The following RFX7 variants were observed in gnomAD, a reference collection of about 807,000 sequenced individuals.
RFX7 encodes the protein regulatory factor X7, also known as DNA-binding protein RFX7.
RFX7 carries 26 observed loss-of-function variants against 111.8 expected under a neutral mutation model. The observed-to-expected ratio is 0.23, with a 90% CI of 0.17 to 0.32. The LOEUF is 0.32. Among genes scored for constraint, RFX7 ranks in the 10% least tolerant of loss-of-function variants. The pLI, the probability that RFX7 is intolerant of heterozygous loss-of-function variation, is 1.00. For synonymous variants in RFX7, 624 were observed against 624.4 expected (o/e 1.00, Z 0.01); for missense variants, 1,573 against 1,772.9 (o/e 0.89, Z 2.02).
chr15:56,095,527 G>T lies in RFX7; in HGVS notation c.2201C>A (p.Ser734Tyr). The T allele has an allele frequency of 2.5e-6, 4 of 1,613,520 alleles. No individual in the cohort carries two copies. The highest frequency in any genetic ancestry group is 3.4e-6 in the Non-Finnish European group (4 of 1,179,846). The change falls in exon 10 of 10, where the codon TCC (serine) becomes TAC (tyrosine). Residue 734 changes from serine to tyrosine, a missense_variant. This residue lies in a region of RFX7 where 625 missense variants were observed against 632.2 expected (regional missense o/e 0.99). Coordinates refer to ENST00000559447, the MANE Select transcript of RFX7 (RefSeq NM_022841.7). ...SHIGANQPLN[S>Y]SALVISDSAL... ...TGAATCACTGATAACAAGGGCAGAG[G>T]AATTCAAGGGTTGATTTGCTCCTAT...
At chr15:56,228,578 AT>A (rs1162398154) in intron 2 of RFX7, among the ~76,000 whole-genome samples, 1 of 152,142 alleles carries the variant, frequency 6.6e-6, no homozygotes, top group Non-Finnish European at 1.5e-5. Context: ...TATGTGTTTA[AT>A]TTTTTTCATC....
intron 5 of RFX7, among the ~76,000 whole-genome samples, chr15:56,113,800 G>A (rs954748648): frequency 2.6e-5 from 4 of 151,700 alleles, no homozygotes; most frequent in African/African-American, 4.8e-5. Flanking sequence ...GACTTACCTA[G>A]ACCCATAATG....
At position 56,095,984 on chromosome 15, in the gene RFX7, G is replaced by A; in HGVS notation, c.1744C>T (p.Pro582Ser). ...ATTTCAATGACACCTTCATTTGAAG[G>A]TTTCTGCAGTGCTCCGTCTGTATTA... ...KSNTDGALQK[P>S]SNEGVIEIKA... is the part of the protein sequence containing the mutation. The change falls in exon 10 of 10, where the codon CCT (proline) becomes TCT (serine). Residue 582 changes from proline to serine, a missense_variant. Pro to Ser is a moderately conservative substitution (Grantham distance 74). Around this residue, in one of 7 missense-constraint regions of RFX7, gnomAD observed 625 missense variants for 632.2 expected, o/e 0.99. Transcript: ENST00000559447. 6.2e-7 allele frequency: 1 copy of A among 1,611,934 alleles called. No homozygotes were observed. The highest frequency in any genetic ancestry group is 8.5e-7 in the Non-Finnish European group (1 of 1,179,576).
In RFX7 at chr15:56,095,889, C is replaced by G. The variant is rs148249850; in HGVS notation, c.1839G>C (p.Thr613=). The change falls in exon 10 of 10, where the codon ACG becomes ACC. Residue 613 remains threonine (T), a synonymous_variant. Transcript: ENST00000559447. The stretch of plus-strand genomic sequence containing the variant: ...TAGTGCTTTGATTATTGCCTGTTGA[C>G]GTGCCTGGCAGCATTTCATTACAGC... The part of the protein sequence containing the change: ...KSRCNEMLPG[T]STGNNQSTIT... 2 of 1,605,358 alleles carry G rather than the reference C, an allele frequency of 1.2e-6. No individual in the cohort carries two copies. The highest frequency in any genetic ancestry group is 1.7e-6 in the Non-Finnish European group (2 of 1,179,836).
At chr15:56,185,789 T>A (rs1249926852) in intron 2 of RFX7, among the ~76,000 whole-genome samples, 1 of 152,186 alleles carries the variant, frequency 6.6e-6, no homozygotes, top group Admixed American at 6.5e-5. Context: ...GTGTAATTTA[T>A]GCTTTTTAAT....
chr15:56,145,689 G>A (rs2042458819), intron 3 of RFX7, among the ~76,000 whole-genome samples: 1 of 152,136 alleles, frequency 6.6e-6, no homozygotes, highest in Non-Finnish European at 1.5e-5. Flanking sequence ...CAGTTTGGGA[G>A]TGTGTTTAAC....
intron 2 of RFX7, among the ~76,000 whole-genome samples, chr15:56,183,964 T>C (rs943452733): frequency 2.0e-5 from 3 of 152,060 alleles, no homozygotes; most frequent in Non-Finnish European, 2.9e-5. Context: ...TGGTTTTCTA[T>C]GTTGACCTTA....
chr15:56,136,595 G>A (rs1395974234), intron 5 of RFX7, among the ~76,000 whole-genome samples: 1 of 151,182 alleles, frequency 6.6e-6, no homozygotes, highest in Non-Finnish European at 1.5e-5. Flanking sequence ...TTTCCTAATT[G>A]AATACCCTTT....
intron 3 of RFX7, among the ~76,000 whole-genome samples, chr15:56,168,056 T>TAA (rs2042803718): frequency 6.6e-6 from 1 of 152,342 alleles, no homozygotes; most frequent in East Asian, 1.9e-4. Context: ...CATAGTTTTT[T>TAA]AAAAGTCTGG....
intron 2 of RFX7, among the ~76,000 whole-genome samples, chr15:56,211,912 C>A (rs2043316563): frequency 6.6e-6 from 1 of 152,148 alleles, no homozygotes; most frequent in Non-Finnish European, 1.5e-5. Flanking sequence ...CCAGAGCTCG[C>A]ATTCACTGCT....
intron 2 of RFX7, among the ~76,000 whole-genome samples, chr15:56,217,645 C>T (rs1221427955): frequency 6.6e-6 from 1 of 152,170 alleles, no homozygotes; most frequent in East Asian, 1.9e-4. Context: ...ACTTATGAGT[C>T]AGTATCCATA....
intron 8 of RFX7, among the ~76,000 whole-genome samples, chr15:56,099,996 A>G (rs918483729): frequency 6.6e-6 from 1 of 152,180 alleles, no homozygotes; most frequent in South Asian, 2.1e-4. Context: ...CTGTTGATGT[A>G]CTCTTTTAGG....
intron 3 of RFX7, among the ~76,000 whole-genome samples, chr15:56,149,673 C>T (rs185854426): frequency 7.2e-5 from 11 of 152,308 alleles, no homozygotes; most frequent in East Asian, 3.9e-4. Context: ...ACAGACACTG[C>T]GCTTGTCCCA....
chr15:56,095,247 T>C lies in RFX7; in HGVS notation c.2481A>G (p.Pro827=). The C allele has an allele frequency of 6.2e-7, 1 of 1,613,886 alleles. No homozygotes were observed. Among genetic ancestry groups the C allele is most frequent in the Non-Finnish European group, 8.5e-7 (1 of 1,179,782 alleles). The change falls in exon 10 of 10, where the codon CCA becomes CCG. Residue 827 remains proline, a synonymous_variant. Coordinates refer to ENST00000559447, the MANE Select transcript of RFX7 (RefSeq NM_022841.7). ...EKSVWELEGM[P]QDTYSQQLHS... ...GTAGCTGCTGGCTATATGTGTCCTG[T>C]GGCATTCCTTCTAATTCCCAAACAG... is the stretch of plus-strand genomic sequence containing the variant.
At chr15:56,156,222 G>T (rs1013776682) in intron 3 of RFX7, among the ~76,000 whole-genome samples, 87 of 152,030 alleles carry the variant, frequency 5.7e-4, no homozygotes, top group Non-Finnish European at 4.1e-4. Context: ...CCACCTTTGA[G>T]GCAGAATCCT....
At chr15:56,225,370 T>A (rs1408311842) in intron 2 of RFX7, among the ~76,000 whole-genome samples, 1 of 152,174 alleles carries the variant, frequency 6.6e-6, no homozygotes, top group Non-Finnish European at 1.5e-5. Context: ...TCATGGGTCA[T>A]TGTCTTCATT....
intron 2 of RFX7, among the ~76,000 whole-genome samples, chr15:56,195,521 T>C (rs1230632271): frequency 6.6e-6 from 1 of 152,180 alleles, no homozygotes; most frequent in Admixed American, 6.5e-5. Flanking sequence ...GTAATCCAAG[T>C]TGCCTTTGAA....
chr15:56,173,529 C>T lies in RFX7; in HGVS notation c.195+5741G>A, dbSNP rs2042868376. On this transcript the variant is annotated intron_variant, in intron 3 of 9. Transcript: ENST00000559447. Reference sequence around the variant, plus strand: ...GACACAGTGGCTTACGCCTGTAATCCCAACAGTTTGGGAAGCCACGGCAAG... The same window carrying T: ...GACACAGTGGCTTACGCCTGTAATCTCAACAGTTTGGGAAGCCACGGCAAG... 2.0e-5 allele frequency among the ~76,000 whole-genome samples: 3 copies of T among 152,258 alleles called. 1 individual carries two copies. The East Asian group carries it at 5.8e-4, about 29-fold the overall frequency.
intron 3 of RFX7, among the ~76,000 whole-genome samples, chr15:56,152,271 C>T (rs1309921145): frequency 3.9e-5 from 6 of 152,182 alleles, no homozygotes; most frequent in Non-Finnish European, 8.8e-5. Context: ...CACTTCATCA[C>T]ACTTATGCTA....
Sources: gnomAD v4.1 joint callset for allele counts (sites outside exome capture counted in the v4.1 genomes callset) on GRCh38, gnomAD v4.1.1 for gene constraint, gnomAD v4.1.1 regional missense constraint, MANE v1.5 for transcripts, NCBI Gene and HGNC (gene_info 2026-07-23, HGNC 2026-07-21) for gene names.